SNX30: variants seen among roughly 807,000 people sequenced by gnomAD.
SNX30 encodes the protein sorting nexin-30.
Under a neutral mutation model 46.4 loss-of-function variants are expected in SNX30, and 24 were observed. The observed-to-expected ratio is 0.52, with a 90% CI of 0.37 to 0.73. SNX30 has a LOEUF of 0.73. SNX30 is among the 30% of genes least tolerant of loss of function. The probability of loss-of-function intolerance (pLI) is 0.00; values close to 1 mark genes in which losing one functional copy is unlikely to be tolerated. For missense variants in SNX30, 533 were observed against 555.7 expected (o/e 0.96, Z 0.41); for synonymous variants, 189 against 211.5 (o/e 0.89, Z 0.92).
intron 6 of SNX30, among the ~76,000 whole-genome samples, chr9:112,843,047 G>A (rs1245273886): frequency 6.6e-6 from 1 of 152,172 alleles, no homozygotes; most frequent in Non-Finnish European, 1.5e-5. Flanking sequence ...GTAGTGATGG[G>A]TTGAAAGAGG....
intron 6 of SNX30, among the ~76,000 whole-genome samples, chr9:112,843,824 A>G (rs773732870): frequency 2.6e-5 from 4 of 152,058 alleles, no homozygotes; most frequent in Non-Finnish European, 4.4e-5. Context: ...CATGTTGGTG[A>G]GGCTGGTCTC....
intron 4 of SNX30, among the ~76,000 whole-genome samples, chr9:112,834,887 C>T (rs372915247): frequency 1.3e-5 from 2 of 148,214 alleles, no homozygotes; most frequent in African/African-American, 4.9e-5. Flanking sequence ...CACACACCTA[C>T]CTCAATAGGA....
chr9:112,819,554 A>T (rs999708404), intron 3 of SNX30, among the ~76,000 whole-genome samples: 1 of 152,152 alleles, frequency 6.6e-6, no homozygotes, highest in African/African-American at 2.4e-5. Context: ...GGTGTGAGCC[A>T]CCACGCCCGG....
chr9:112,794,995 C>A (rs1840085393), intron 1 of SNX30, among the ~76,000 whole-genome samples: 1 of 152,162 alleles, frequency 6.6e-6, no homozygotes, highest in African/African-American at 2.4e-5. Flanking sequence ...TGTAACTCTT[C>A]ACAAAGGCTA....
At chr9:112,839,260 G>A (rs1840817499) in intron 6 of SNX30, among the ~76,000 whole-genome samples, 1 of 152,192 alleles carries the variant, frequency 6.6e-6, no homozygotes, top group Non-Finnish European at 1.5e-5. Context: ...CCCCAAAGCT[G>A]AAGACATAAA....
At chr9:112,811,339 A>G (rs1312291833) in intron 2 of SNX30, among the ~76,000 whole-genome samples, 1 of 152,206 alleles carries the variant, frequency 6.6e-6, no homozygotes, top group African/African-American at 2.4e-5. Context: ...CTTGTGATAA[A>G]GACCACGTCT....
At position 112,834,408 on chromosome 9, in the gene SNX30, C is replaced by T. The variant is rs559851676; in HGVS notation, c.619-1806C>T. Among the ~76,000 whole-genome samples, 23 of 152,242 alleles carry T rather than the reference C, an allele frequency of 1.5e-4. No homozygotes were observed. In the East Asian group the frequency reaches 3.3e-3, roughly 22 times the overall value. The stretch of plus-strand genomic sequence containing the variant: ...TTTGGGTTCCATTAATTTGCTAGAG[C>T]AATTCACAGAACTCAGAGAAACACA... On this transcript the variant is annotated intron_variant, in intron 4 of 8. Coordinates refer to ENST00000374232, the MANE Select transcript of SNX30 (RefSeq NM_001012994.2).
At chr9:112,882,095 T>A (rs913643119), downstream of SNX30, among the ~76,000 whole-genome samples, 2 of 151,978 alleles carry the variant, frequency 1.3e-5, no homozygotes, top group Non-Finnish European at 2.9e-5. Flanking sequence ...GACATTCATT[T>A]TTTGTTGTTG....
intron 7 of SNX30, among the ~76,000 whole-genome samples, chr9:112,863,193 T>C (rs926961733): frequency 5.9e-5 from 9 of 152,144 alleles, no homozygotes; most frequent in Admixed American, 1.3e-4. Context: ...GAGGCTTGGG[T>C]ATAAACCTCC....
intron 8 of SNX30, among the ~76,000 whole-genome samples, chr9:112,866,311 A>G (rs186098997): frequency 3.5e-4 from 54 of 152,290 alleles, no homozygotes; most frequent in Admixed American, 9.8e-4. Context: ...AGGAAAGGCC[A>G]GTCTGAGGAA....
chr9:112,753,370 A>G (rs1050753530), intron 1 of SNX30, among the ~76,000 whole-genome samples: 12 of 152,068 alleles, frequency 7.9e-5, no homozygotes, highest in Non-Finnish European at 1.2e-4. Flanking sequence ...TCTTGAAGGC[A>G]TTATTAATTA....
chr9:112,820,240 T>C (rs1046384930), intron 3 of SNX30, among the ~76,000 whole-genome samples: 1 of 146,022 alleles, frequency 6.8e-6, no homozygotes, highest in South Asian at 2.3e-4. Flanking sequence ...TAATTTTTTT[T>C]CATAAATTCT....
Position 112,862,392 on chromosome 9 carries a change from G to A in SNX30, c.1102-1855G>A, listed in dbSNP as rs543165809. 1.3e-4 allele frequency among the ~76,000 whole-genome samples: 20 copies of A among 152,286 alleles called. No individual in the cohort carries two copies. The East Asian group carries it at 1.9e-3, about 15-fold the overall frequency. ...CAAGTGTGAGCAGTGGCCAGGAGAC[G>A]GGTAAGGGAACTGGCCTGTGCCTGT... On this transcript the variant is annotated intron_variant, in intron 7 of 8. Coordinates refer to ENST00000374232, the MANE Select transcript of SNX30 (RefSeq NM_001012994.2).
At chr9:112,868,447 G>A (rs1450194478) in intron 8 of SNX30, among the ~76,000 whole-genome samples, 2 of 152,108 alleles carry the variant, frequency 1.3e-5, no homozygotes, top group African/African-American at 4.8e-5. Context: ...GACTCTTCAG[G>A]GGTTTCCTGC....
chr9:112,861,741 G>T (rs1371530557), intron 7 of SNX30, among the ~76,000 whole-genome samples: 2 of 152,164 alleles, frequency 1.3e-5, no homozygotes, highest in Non-Finnish European at 2.9e-5. Context: ...GGGTCCTGGT[G>T]TCTTCTCTCC....
At chr9:112,866,235 A>T (rs571583101) in intron 8 of SNX30, among the ~76,000 whole-genome samples, 2 of 152,148 alleles carry the variant, frequency 1.3e-5, no homozygotes, top group Non-Finnish European at 2.9e-5. Context: ...AAGAACGGGA[A>T]ACTGGGGGAG....
At chr9:112,836,545 A>C in intron 5 of SNX30, 136 bp downstream of exon 5, 1 of 935,908 alleles carries the variant, frequency 1.1e-6, no homozygotes, top group East Asian at 2.6e-5. Context: ...TCAAAGAAAT[A>C]CAAGGAGGGG....
intron 1 of SNX30, among the ~76,000 whole-genome samples, chr9:112,753,047 GTATTC>G (rs1839300894): frequency 6.6e-6 from 1 of 152,232 alleles, no homozygotes; most frequent in African/African-American, 2.4e-5. Context: ...TGCCTCTGCT[GTATTC>G]TGTTGGTCAC....
intron 6 of SNX30, among the ~76,000 whole-genome samples, chr9:112,840,708 T>A (rs1840841236): frequency 6.6e-6 from 1 of 152,160 alleles, no homozygotes; most frequent in Non-Finnish European, 1.5e-5. Context: ...CTTGATCTCC[T>A]GACCTTATGA....
Sources: gnomAD v4.1 joint callset for allele counts (sites outside exome capture counted in the v4.1 genomes callset) on GRCh38, gnomAD v4.1.1 for gene constraint, MANE v1.5 for transcripts, NCBI Gene and HGNC (gene_info 2026-07-23, HGNC 2026-07-21) for gene names.